Variants in MAF observed in about 807,000 individuals in gnomAD.
MAF encodes MAF bZIP transcription factor.
MAF carries 10 observed loss-of-function variants against 22.0 expected under a neutral mutation model. That is an observed-to-expected ratio of 0.45 (90% CI 0.28 to 0.77). The LOEUF (loss-of-function observed/expected upper bound fraction) is 0.77, where lower values mean the gene tolerates loss of function less well. Ranked by LOEUF, MAF falls within the 30% of genes least tolerant of loss-of-function variation. The probability of loss-of-function intolerance (pLI) is 0.12; values close to 1 mark genes in which losing one functional copy is unlikely to be tolerated. For synonymous variants in MAF, 337 were observed against 255.8 expected (o/e 1.32, Z -3.03); for missense variants, 544 against 548.4 (o/e 0.99, Z 0.08).
the MAF span, among the ~76,000 whole-genome samples, chr16:79,312,700 G>A: frequency 4.6e-5 from 7 of 152,186 alleles, no homozygotes; most frequent in African/African-American, 1.2e-4. Context: ...CCAGTGAGCC[G>A]CTACTTTCAT....
the MAF span, among the ~76,000 whole-genome samples, chr16:79,578,876 C>G: frequency 2.6e-5 from 4 of 152,060 alleles, no homozygotes; most frequent in Admixed American, 1.3e-4. Context: ...TTATTTGCAG[C>G]AAGCAGAAAA....
chr16:79,245,109 G>T, the MAF span, among the ~76,000 whole-genome samples: 1 of 151,716 alleles, frequency 6.6e-6, no homozygotes, highest in Non-Finnish European at 1.5e-5. Context: ...AAAACCCTAA[G>T]AACCCTAGAA....
downstream of MAF, among the ~76,000 whole-genome samples, chr16:79,592,129 C>A (rs1207947249): frequency 6.6e-6 from 1 of 152,224 alleles, no homozygotes; most frequent in Non-Finnish European, 1.5e-5. Flanking sequence ...CATTTCTCAC[C>A]TCCTACAAAT....
chr16:79,589,192 C>G (rs1451015135), downstream of MAF, among the ~76,000 whole-genome samples: 1 of 152,128 alleles, frequency 6.6e-6, no homozygotes, highest in Non-Finnish European at 1.5e-5. Flanking sequence ...GGAAAAGATG[C>G]TTTCTGAAAT....
At chr16:79,506,548 C>A in the MAF span, among the ~76,000 whole-genome samples, 1 of 152,156 alleles carries the variant, frequency 6.6e-6, no homozygotes, top group Non-Finnish European at 1.5e-5. Flanking sequence ...GACCTGAAAC[C>A]AGGGCTGGTA....
At chr16:79,274,005 A>G in the MAF span, among the ~76,000 whole-genome samples, 1 of 141,638 alleles carries the variant, frequency 7.1e-6, no homozygotes, top group African/African-American at 2.7e-5. Flanking sequence ...CCCAGGTTAG[A>G]GTGCAAGGGC....
the MAF span, among the ~76,000 whole-genome samples, chr16:79,276,638 C>T: frequency 6.6e-6 from 1 of 152,270 alleles, no homozygotes; most frequent in Admixed American, 6.5e-5. Context: ...GAGGTCACTG[C>T]ACTGGGATCG....
the MAF span, among the ~76,000 whole-genome samples, chr16:79,321,575 C>T: frequency 2.6e-5 from 4 of 151,144 alleles, no homozygotes; most frequent in East Asian, 1.9e-4. Context: ...GAGGGAAAGG[C>T]ATCACCAGAG....
At chr16:79,250,399 C>T in the MAF span, among the ~76,000 whole-genome samples, 1 of 152,328 alleles carries the variant, frequency 6.6e-6, no homozygotes, top group South Asian at 2.1e-4. Context: ...TCTCCAATTC[C>T]CAAAGAGACT....
the MAF span, among the ~76,000 whole-genome samples, chr16:79,555,452 C>T: frequency 8.5e-5 from 13 of 152,268 alleles, no homozygotes; most frequent in South Asian, 2.1e-4. Flanking sequence ...AAAAAAGCAC[C>T]GATTTTTAGT....
the MAF span, among the ~76,000 whole-genome samples, chr16:79,507,691 C>T: frequency 6.6e-6 from 1 of 152,192 alleles, no homozygotes. Context: ...TCCCAAAGTG[C>T]TGGTATTACA....
the MAF span, among the ~76,000 whole-genome samples, chr16:79,210,675 C>G: frequency 6.6e-6 from 1 of 152,064 alleles, no homozygotes; most frequent in African/African-American, 2.4e-5. Context: ...AGAGACGTGC[C>G]GACCATGTCT....
At chr16:79,431,847 C>G in the MAF span, among the ~76,000 whole-genome samples, 15 of 152,330 alleles carry the variant, frequency 9.8e-5, no homozygotes, top group African/African-American at 3.4e-4. Context: ...AGTGAATGCT[C>G]AGCAGGACTT....
the MAF span, among the ~76,000 whole-genome samples, chr16:79,547,095 C>T: frequency 1.3e-5 from 2 of 152,076 alleles, no homozygotes; most frequent in African/African-American, 2.4e-5. Context: ...TGAAATCAGA[C>T]GTATCTAGCA....
chr16:79,211,783 G>C, the MAF span: 1 of 1,614,076 alleles, frequency 6.2e-7, no homozygotes, highest in Non-Finnish European at 8.5e-7. Context: ...CGGCTTGGCA[G>C]CCAGTCCGGC....
At chr16:79,566,905 A>G in the MAF span, among the ~76,000 whole-genome samples, 1 of 152,228 alleles carries the variant, frequency 6.6e-6, no homozygotes, top group East Asian at 1.9e-4. Flanking sequence ...TCTTTCCAGA[A>G]AAATGGACTT....
chr16:79,374,814 A>G, the MAF span, among the ~76,000 whole-genome samples: 1 of 152,204 alleles, frequency 6.6e-6, no homozygotes, highest in Non-Finnish European at 1.5e-5. Context: ...GTTTTATAGT[A>G]TCTCATTAAT....
chr16:79,473,974 C>T, the MAF span, among the ~76,000 whole-genome samples: 1 of 151,932 alleles, frequency 6.6e-6, no homozygotes, highest in Non-Finnish European at 1.5e-5. Flanking sequence ...GGAGGAATTA[C>T]GGCAGGTAGT....
chr16:79,448,246 T>C, the MAF span, among the ~76,000 whole-genome samples: 2 of 152,130 alleles, frequency 1.3e-5, no homozygotes, highest in African/African-American at 4.8e-5. Context: ...CGTCCTATTG[T>C]AAGAAATTGC....
Sources: gnomAD v4.1 joint callset for allele counts (sites outside exome capture counted in the v4.1 genomes callset) on GRCh38, gnomAD v4.1.1 for gene constraint, MANE v1.5 for transcripts, NCBI Gene and HGNC (gene_info 2026-07-23, HGNC 2026-07-21) for gene names.